The following CADPS variants were observed in gnomAD, a reference collection of about 807,000 sequenced individuals.
CADPS encodes calcium-dependent secretion activator 1.
A neutral mutation model predicts 167.3 loss-of-function variants in CADPS; 57 were observed. The observed-to-expected ratio is 0.34, with a 90% CI of 0.28 to 0.42. The LOEUF (loss-of-function observed/expected upper bound fraction) is 0.42, where lower values mean the gene tolerates loss of function less well. Ranked by LOEUF, CADPS falls within the 20% of genes least tolerant of loss-of-function variation. CADPS has a pLI of 1.00. For synonymous variants in CADPS, 676 were observed against 635.3 expected, an observed-to-expected ratio of 1.06 and a Z score of -0.96; for missense variants, 1,414 against 1,738.1, an observed-to-expected ratio of 0.81 and a Z score of 3.32.
chr3:62,564,607 C>CT (rs11351162), intron 9 of CADPS, among the ~76,000 whole-genome samples: 7,390 of 127,320 alleles, frequency 0.058, 361 homozygotes, highest in African/African-American at 0.12. Flanking sequence ...AACCAGAAAT[C>CT]TTTTTTTTTT....
intron 8 of CADPS, among the ~76,000 whole-genome samples, chr3:62,576,888 C>T (rs1277788299): frequency 6.9e-6 from 1 of 144,478 alleles, no homozygotes; most frequent in Non-Finnish European, 1.5e-5. Context: ...GTACACATGT[C>T]TGGGTTTGGA....
intron 26 of CADPS, among the ~76,000 whole-genome samples, chr3:62,462,740 C>T (rs1321561209): frequency 1.3e-5 from 2 of 152,210 alleles, no homozygotes; most frequent in Non-Finnish European, 2.9e-5. Context: ...AAGCTCTTTG[C>T]ACAATACCTG....
chr3:62,829,868 A>T (rs2074749540), intron 1 of CADPS, among the ~76,000 whole-genome samples: 1 of 152,182 alleles, frequency 6.6e-6, no homozygotes, highest in African/African-American at 2.4e-5. Context: ...AAGTCAGAGG[A>T]TATGCTGCAT....
At chr3:62,743,374 A>T (rs34875360) in intron 3 of CADPS, among the ~76,000 whole-genome samples, 11,325 of 152,212 alleles carry the variant, frequency 0.074, 565 homozygotes, top group Non-Finnish European at 0.11. Context: ...CTTTCGCTAC[A>T]ATGACAGAAT....
intron 1 of CADPS, among the ~76,000 whole-genome samples, chr3:62,776,963 C>T (rs569150215): frequency 6.6e-6 from 1 of 152,112 alleles, no homozygotes; most frequent in Non-Finnish European, 1.5e-5. Flanking sequence ...TCTCTTTTGT[C>T]AGTTACAATC....
rs2062246856 is a variant in CADPS, at chr3:62,616,120, T to C, written c.1326-23372A>G. ...GCACAATAAAATCCAGTTTATTCCCTCCATCAATCATCGAAGAAAATTCAC... is the reference window on the plus strand; with the variant it reads ...GCACAATAAAATCCAGTTTATTCCCCCCATCAATCATCGAAGAAAATTCAC... On this transcript the variant is annotated intron_variant, in intron 6 of 29. Transcript: ENST00000383710. 2.0e-5 allele frequency among the ~76,000 whole-genome samples: 3 copies of C among 152,190 alleles called. No individual in the cohort carries two copies. The South Asian group carries it at 6.2e-4, about 31-fold the overall frequency.
chr3:62,665,376 T>A (rs2074225194), intron 3 of CADPS, among the ~76,000 whole-genome samples: 2 of 152,206 alleles, frequency 1.3e-5, no homozygotes, highest in South Asian at 4.1e-4. Context: ...AAGGTTGGTA[T>A]CATTATCCCC....
chr3:62,594,121 AT>A (rs879469661), intron 6 of CADPS, among the ~76,000 whole-genome samples: 15 of 144,174 alleles, frequency 1.0e-4, no homozygotes, highest in African/African-American at 2.7e-4. Context: ...GCTCATTATG[AT>A]TTTTTTTATT....
chr3:62,578,596 C>A lies in CADPS; in HGVS notation c.1577+6589G>T, dbSNP rs367583065. ...CTGCACTCCAGCCTGGGTGACAGAG[C>A]AAGACTCCGTCTCAAAAAAATAAAA... is the stretch of plus-strand genomic sequence containing the variant. On this transcript the variant is annotated intron_variant, in intron 8 of 29. Transcript: ENST00000383710. Among the ~76,000 whole-genome samples the A allele has an allele frequency of 9.3e-3, 1,008 of 107,956 alleles. 18 individuals are homozygous for A. Among genetic ancestry groups the A allele is most frequent in the African/African-American group, 0.035 (912 of 25,996 alleles). The allele number at this position is 107,956 out of a possible 152,430, so 70.8% of individuals were successfully genotyped here. A position where few individuals can be genotyped will look rare whatever the true frequency, so the allele number is the denominator to read the frequency against.
At chr3:62,699,636 T>C (rs2081023063) in intron 3 of CADPS, among the ~76,000 whole-genome samples, 1 of 152,164 alleles carries the variant, frequency 6.6e-6, no homozygotes, top group Non-Finnish European at 1.5e-5. Flanking sequence ...TGGTGCCATC[T>C]TGGCTTACTA....
intron 6 of CADPS, among the ~76,000 whole-genome samples, chr3:62,621,486 T>TA (rs1358825180): frequency 6.6e-6 from 1 of 152,168 alleles, no homozygotes; most frequent in African/African-American, 2.4e-5. Context: ...AAATATATAT[T>TA]ATTTTGTAAT....
chr3:62,772,326 G>A (rs903582191), intron 1 of CADPS, among the ~76,000 whole-genome samples: 8 of 152,020 alleles, frequency 5.3e-5, no homozygotes, highest in African/African-American at 1.7e-4. Flanking sequence ...TCCCAGTTTC[G>A]CTTGCTATTA....
At chr3:62,616,587 G>C (rs762823292) in intron 6 of CADPS, among the ~76,000 whole-genome samples, 1 of 152,080 alleles carries the variant, frequency 6.6e-6, no homozygotes, top group Non-Finnish European at 1.5e-5. Context: ...TGTTTTATCT[G>C]TAATCACGTT....
intron 6 of CADPS, among the ~76,000 whole-genome samples, chr3:62,600,682 A>G (rs1455413867): frequency 6.6e-6 from 1 of 152,226 alleles, no homozygotes; most frequent in Non-Finnish European, 1.5e-5. Flanking sequence ...ATGGATCCAA[A>G]GGTGAGTGAG....
intron 1 of CADPS, among the ~76,000 whole-genome samples, chr3:62,799,353 C>CTCTGTT (rs1311027841): frequency 6.6e-6 from 1 of 152,108 alleles, no homozygotes; most frequent in Non-Finnish European, 1.5e-5. Context: ...ACTCTGGAGG[C>CTCTGTT]AGACTACCTA....
intron 3 of CADPS, among the ~76,000 whole-genome samples, chr3:62,726,573 A>G (rs1243752137): frequency 1.3e-5 from 2 of 151,820 alleles, no homozygotes; most frequent in Non-Finnish European, 2.9e-5. Context: ...TCTACTAGGA[A>G]ACCTAATTTG....
chr3:62,766,043 T>C (rs2086776878), intron 1 of CADPS, 59 bp from the exon 2 acceptor site: 1 of 1,246,052 alleles, frequency 8.0e-7, no homozygotes, highest in Admixed American at 1.7e-5. Context: ...GGATCATGGA[T>C]ACTTTATGCT....
At chr3:62,610,742 T>C (rs564718803) in intron 6 of CADPS, among the ~76,000 whole-genome samples, 1 of 152,288 alleles carries the variant, frequency 6.6e-6, no homozygotes, top group African/African-American at 2.4e-5. Context: ...AGACCCCCTC[T>C]TCTGGCTCTC....
intron 2 of CADPS, 49 bp downstream of exon 2, chr3:62,765,822 G>T: frequency 1.6e-6 from 2 of 1,259,576 alleles, no homozygotes; most frequent in Non-Finnish European, 2.3e-6. Flanking sequence ...AGACTCCCCA[G>T]GCATAGGGCT....
Sources: gnomAD v4.1 joint callset for allele counts (sites outside exome capture counted in the v4.1 genomes callset) on GRCh38, gnomAD v4.1.1 for gene constraint, MANE v1.5 for transcripts, NCBI Gene and HGNC (gene_info 2026-07-23, HGNC 2026-07-21) for gene names.